RERE: variants seen among roughly 807,000 people sequenced by gnomAD.
RERE encodes arginine-glutamic acid dipeptide repeats, also known as arginine-glutamic acid dipeptide repeats protein.
In RERE, 40 loss-of-function variants were observed where a neutral mutation model predicts 146.1. The observed-to-expected ratio is 0.27, with a 90% CI of 0.21 to 0.36. RERE has a LOEUF of 0.36. Ranked by LOEUF, RERE falls within the 10% of genes least tolerant of loss-of-function variation. The probability of loss-of-function intolerance (pLI) is 1.00; values close to 1 mark genes in which losing one functional copy is unlikely to be tolerated. For synonymous variants in RERE, 1,003 were observed against 866.0 expected (o/e 1.16, Z -2.78); for missense variants, 1,933 against 2,138.7 (o/e 0.90, Z 1.90).
At chr1:8,731,547 A>T (rs1305050084) in intron 1 of RERE, among the ~76,000 whole-genome samples, 2 of 151,346 alleles carry the variant, frequency 1.3e-5, no homozygotes, top group Non-Finnish European at 2.9e-5. Flanking sequence ...TACAGAATGC[A>T]CTCCTTCCCC....
At chr1:8,799,944 G>A (rs1557550385) in intron 1 of RERE, among the ~76,000 whole-genome samples, 1 of 151,968 alleles carries the variant, frequency 6.6e-6, no homozygotes, top group Non-Finnish European at 1.5e-5. Flanking sequence ...CTCCCAAGTA[G>A]TTGGGATTAC....
intron 1 of RERE, among the ~76,000 whole-genome samples, chr1:8,759,692 C>T (rs946755513): frequency 1.2e-4 from 19 of 152,098 alleles, no homozygotes; most frequent in African/African-American, 4.6e-4. Flanking sequence ...AACTGTACAC[C>T]CACTACGCTC....
intron 7 of RERE, among the ~76,000 whole-genome samples, chr1:8,510,473 A>G (rs1645320356): frequency 6.6e-6 from 1 of 152,182 alleles, no homozygotes; most frequent in African/African-American, 2.4e-5. Flanking sequence ...TGGTATGTGG[A>G]AAAACGAAGC....
At chr1:8,743,369 C>G (rs918881837) in intron 1 of RERE, among the ~76,000 whole-genome samples, 16 of 151,852 alleles carry the variant, frequency 1.1e-4, no homozygotes, top group Non-Finnish European at 1.5e-4. Flanking sequence ...ACCACTGCCT[C>G]CCAGGCTCAA....
chr1:8,469,955 G>A (rs938971952), intron 10 of RERE, among the ~76,000 whole-genome samples: 20 of 151,828 alleles, frequency 1.3e-4, no homozygotes, highest in Admixed American at 4.6e-4. Flanking sequence ...AACAAGTCCT[G>A]GCATTCCTAC....
intron 10 of RERE, among the ~76,000 whole-genome samples, chr1:8,473,212 C>T (rs942814240): frequency 1.3e-5 from 2 of 152,084 alleles, no homozygotes; most frequent in African/African-American, 4.8e-5. Flanking sequence ...GAACTCTTTC[C>T]CTATGTGGTG....
chr1:8,568,949 T>G (rs921844668), intron 4 of RERE, among the ~76,000 whole-genome samples: 1 of 152,330 alleles, frequency 6.6e-6, no homozygotes, highest in East Asian at 1.9e-4. Flanking sequence ...GATTCAGCTT[T>G]AAAAGTTCAG....
At chr1:8,569,810 T>C (rs1183963748) in intron 4 of RERE, among the ~76,000 whole-genome samples, 1 of 151,046 alleles carries the variant, frequency 6.6e-6, no homozygotes, top group Non-Finnish European at 1.5e-5. Context: ...TAGGATCTCC[T>C]GAGCCCAACA....
At chr1:8,518,529 C>T (rs537514057) in intron 7 of RERE, among the ~76,000 whole-genome samples, 3 of 152,322 alleles carry the variant, frequency 2.0e-5, no homozygotes, top group East Asian at 3.9e-4. Context: ...ACTTAGTACA[C>T]ATTTAGAAAA....
intron 19 of RERE, among the ~76,000 whole-genome samples, chr1:8,359,172 G>A (rs192366263): frequency 6.6e-6 from 1 of 152,212 alleles, no homozygotes; most frequent in South Asian, 2.1e-4. Context: ...CTCATGCATG[G>A]GTTGTCTACG....
In RERE at chr1:8,806,662, G is replaced by C. The variant is rs147167441; in HGVS notation, c.-145+10498C>G. 4 of 151,884 alleles carry C rather than the reference G, an allele frequency of 2.6e-5. No homozygotes were observed. The East Asian group carries it at 7.7e-4, about 29-fold the overall frequency. The allele number at this position is 151,884 out of a possible 1,614,324, so 9.4% of individuals were successfully genotyped here. Reference sequence around the variant, plus strand: ...CAAATGAATGCCTACTGTACTCTTCGCAAGCAAGGTGCACTGAAGTGACCA... The same window carrying C: ...CAAATGAATGCCTACTGTACTCTTCCCAAGCAAGGTGCACTGAAGTGACCA... On this transcript the variant is annotated intron_variant, in intron 1 of 22. Coordinates refer to ENST00000400908, the MANE Select transcript of RERE (RefSeq NM_001042681.2).
intron 2 of RERE, among the ~76,000 whole-genome samples, chr1:8,644,000 G>C (rs2401138): frequency 0.64 from 97,997 of 152,010 alleles, 32,098 homozygotes; most frequent in East Asian, 0.83. Context: ...CCAGCATAAA[G>C]TGCACATTCT....
chr1:8,583,825 G>A (rs569384981), intron 4 of RERE, among the ~76,000 whole-genome samples: 14 of 151,958 alleles, frequency 9.2e-5, no homozygotes, highest in Non-Finnish European at 1.6e-4. Flanking sequence ...GGGGAGCTCC[G>A]TAAAGTTAAA....
At chr1:8,630,737 C>T (rs1232811829) in intron 2 of RERE, among the ~76,000 whole-genome samples, 3 of 152,070 alleles carry the variant, frequency 2.0e-5, no homozygotes, top group Non-Finnish European at 2.9e-5. Context: ...TACATACATA[C>T]GTACATATAT....
chr1:8,789,553 T>C (rs1316000915), intron 1 of RERE, among the ~76,000 whole-genome samples: 3 of 151,744 alleles, frequency 2.0e-5, no homozygotes, highest in Non-Finnish European at 2.9e-5. Context: ...GGGCCAAAAT[T>C]ACTCAGACAG....
At chr1:8,783,340 A>G (rs575778385) in intron 1 of RERE, among the ~76,000 whole-genome samples, 1 of 152,314 alleles carries the variant, frequency 6.6e-6, no homozygotes, top group South Asian at 2.1e-4. Context: ...GACTAAAAAA[A>G]TTTAAAAACT....
chr1:8,685,790 G>T (rs1452447676), intron 1 of RERE, among the ~76,000 whole-genome samples: 1 of 152,172 alleles, frequency 6.6e-6, no homozygotes, highest in African/African-American at 2.4e-5. Context: ...AACTCAGCTG[G>T]CTGAAGAAGT....
intron 7 of RERE, among the ~76,000 whole-genome samples, chr1:8,528,992 T>C (rs1190628724): frequency 6.6e-6 from 1 of 152,204 alleles, no homozygotes; most frequent in Non-Finnish European, 1.5e-5. Flanking sequence ...CTCAAAGCAT[T>C]CTGGATTTTG....
At position 8,356,737 on chromosome 1, in the gene RERE, T is replaced by C. The variant is rs1056775860; in HGVS notation, c.4340-491A>G. Among the ~76,000 whole-genome samples the C allele has an allele frequency of 1.3e-5, 2 of 152,084 alleles. No homozygotes were observed. Among genetic ancestry groups the C allele is most frequent in the South Asian group, 2.1e-4 (1 of 4,832 alleles). On this transcript the variant is annotated intron_variant, in intron 20 of 22. Coordinates refer to ENST00000400908, the MANE Select transcript of RERE (RefSeq NM_001042681.2). The surrounding 1 kb of genome is among the most constrained non-coding windows in gnomAD (Gnocchi z 5.2). ...GGGGACCTGGCACAGCACTGCCCTC[T>C]CCTCTCTGCTGGCACAAATCTTGCG...
Sources: gnomAD v4.1 joint callset for allele counts (sites outside exome capture counted in the v4.1 genomes callset) on GRCh38, gnomAD v4.1.1 for gene constraint, Gnocchi (gnomAD v3.1) non-coding constraint, MANE v1.5 for transcripts, NCBI Gene and HGNC (gene_info 2026-07-23, HGNC 2026-07-21) for gene names.